The following ARMC3 variants were observed in gnomAD, a reference collection of about 807,000 sequenced individuals.
ARMC3 encodes armadillo repeat containing 3.
ARMC3 carries 74 observed loss-of-function variants against 90.3 expected under a neutral mutation model. That is an observed-to-expected ratio of 0.82 (90% CI 0.68 to 0.99). ARMC3 has a LOEUF of 0.99. ARMC3 is among the 50% of genes least tolerant of loss of function. The pLI is 0.00. For missense variants in ARMC3, 958 were observed against 1,042.8 expected, an observed-to-expected ratio of 0.92 and a Z score of 1.12; for synonymous variants, 334 against 361.8, an observed-to-expected ratio of 0.92 and a Z score of 0.87.
intron 12 of ARMC3, 51 bp from the exon 13 acceptor site, chr10:23,003,195 G>C: frequency 6.5e-7 from 1 of 1,546,508 alleles, no homozygotes; most frequent in Non-Finnish European, 8.8e-7. Context: ...TGGAGACTCA[G>C]TATTGGATGG....
intron 16 of ARMC3, among the ~76,000 whole-genome samples, chr10:23,027,670 AG>A (rs1838766126): frequency 6.6e-6 from 1 of 152,148 alleles, no homozygotes; most frequent in Non-Finnish European, 1.5e-5. Context: ...CTGACTGTGT[AG>A]ATTTATGTTT....
At chr10:23,025,540 G>T (rs1838684765) in intron 16 of ARMC3, among the ~76,000 whole-genome samples, 1 of 151,998 alleles carries the variant, frequency 6.6e-6, no homozygotes, top group Non-Finnish European at 1.5e-5. Context: ...AAGAACGTAG[G>T]ACTGAAAGAA....
At chr10:22,993,464 A>G (rs369290997) in intron 10 of ARMC3, among the ~76,000 whole-genome samples, 1 of 152,230 alleles carries the variant, frequency 6.6e-6, no homozygotes, top group African/African-American at 2.4e-5. Context: ...AAAACTGGAA[A>G]TCGCAGTGTT....
At chr10:22,939,341 G>A (rs1380100566) in intron 2 of ARMC3, among the ~76,000 whole-genome samples, 1 of 152,126 alleles carries the variant, frequency 6.6e-6, no homozygotes, top group African/African-American at 2.4e-5. Context: ...GTATGGGGTG[G>A]AACTCCACCT....
chr10:23,002,950 T>A (rs1837379887), intron 12 of ARMC3, among the ~76,000 whole-genome samples: 1 of 152,208 alleles, frequency 6.6e-6, no homozygotes, highest in Non-Finnish European at 1.5e-5. Context: ...TATTGTCTAG[T>A]TAGATGAAAA....
intron 4 of ARMC3, among the ~76,000 whole-genome samples, chr10:22,957,804 T>A (rs764070819): frequency 6.6e-6 from 1 of 152,174 alleles, no homozygotes; most frequent in Non-Finnish European, 1.5e-5. Context: ...AATGAATGTT[T>A]AACCAAAAAC....
At chr10:23,024,115 C>T (rs922743671) in intron 16 of ARMC3, among the ~76,000 whole-genome samples, 13 of 152,072 alleles carry the variant, frequency 8.5e-5, no homozygotes, top group Non-Finnish European at 1.2e-4. Flanking sequence ...AGGAAAACAT[C>T]GACTCAAGTG....
chr10:22,930,900 G>A (rs1453590389), intron 1 of ARMC3, among the ~76,000 whole-genome samples: 1 of 151,826 alleles, frequency 6.6e-6, no homozygotes, highest in African/African-American at 2.4e-5. Context: ...GATTTCCTGG[G>A]TTATTCTAAT....
chr10:22,981,486 A>C lies in ARMC3; in HGVS notation c.1063A>C (p.Asn355His). The C allele has an allele frequency of 6.2e-7, 1 of 1,613,828 alleles. No individual in the cohort carries two copies. The highest frequency in any genetic ancestry group is 1.1e-5 in the South Asian group (1 of 90,950). ...ENSGSKDFFN[N>H]QGIPQLIQLL... is the part of the protein sequence containing the mutation. The stretch of plus-strand genomic sequence containing the variant: ...TTCAGGCAGCAAAGATTTTTTCAAT[A>C]ATCAGGGTAAGTCAACTGGAAACAA... Residue 355 changes from asparagine (N) to histidine (H), a missense_variant, in exon 9 of 19, where the codon AAT becomes CAT. By Grantham distance (68) the Asn-to-His change is moderately conservative (BLOSUM62 1). Coordinates refer to ENST00000298032, the MANE Select transcript of ARMC3 (RefSeq NM_173081.5).
chr10:22,990,538 T>C (rs1836659597), intron 10 of ARMC3, among the ~76,000 whole-genome samples: 1 of 152,230 alleles, frequency 6.6e-6, no homozygotes, highest in African/African-American at 2.4e-5. Context: ...GGCCAGGTAT[T>C]AAGCTAAGTC....
chr10:22,981,223 C>A, intron 8 of ARMC3, 117 bp from the exon 9 acceptor site: 1 of 907,272 alleles, frequency 1.1e-6, no homozygotes, highest in Non-Finnish European at 1.6e-6. Flanking sequence ...AGTTTAGACT[C>A]TGGTACTAAA....
At position 23,038,014 on chromosome 10, in the gene ARMC3, T is replaced by A. The variant is rs1463731914; in HGVS notation, c.*535T>A. ...AAATTTTTGTTTCTATTTTTAAAAA[T>A]TCATCATTAAAAACACTTTAATATA... On this transcript the variant is annotated 3_prime_UTR_variant, in exon 19 of 19. Coordinates refer to ENST00000298032, the MANE Select transcript of ARMC3 (RefSeq NM_173081.5). 1 of 152,224 alleles carries A rather than the reference T, an allele frequency of 6.6e-6. No individual in the cohort carries two copies. The highest frequency in any genetic ancestry group is 6.5e-5 in the Admixed American group (1 of 15,282). The allele number at this position is 152,224 out of a possible 1,614,324, so 9.4% of individuals were successfully genotyped here.
chr10:22,991,335 G>C (rs1836699888), intron 10 of ARMC3, among the ~76,000 whole-genome samples: 2 of 152,138 alleles, frequency 1.3e-5, no homozygotes, highest in African/African-American at 2.4e-5. Context: ...AGGGAGTCTG[G>C]AATCCAGCTT....
chr10:23,028,462 G>T (rs1186854786), intron 16 of ARMC3, among the ~76,000 whole-genome samples: 2 of 152,106 alleles, frequency 1.3e-5, no homozygotes, highest in African/African-American at 4.8e-5. Flanking sequence ...TCTATTGATT[G>T]TCTTATCCTA....
At chr10:23,017,217 G>T (rs73600596) in intron 16 of ARMC3, among the ~76,000 whole-genome samples, 3,559 of 152,046 alleles carry the variant, frequency 0.023, 139 homozygotes, top group African/African-American at 0.082. Flanking sequence ...CTTAGCTGCA[G>T]CAAATATAAT....
intron 16 of ARMC3, among the ~76,000 whole-genome samples, chr10:23,013,107 C>T (rs564620844): frequency 6.6e-6 from 1 of 152,072 alleles, no homozygotes; most frequent in Non-Finnish European, 1.5e-5. Flanking sequence ...CCATGCTGGC[C>T]AGAGTGGTCT....
intron 16 of ARMC3, among the ~76,000 whole-genome samples, chr10:23,017,446 C>G (rs1838323654): frequency 1.3e-5 from 2 of 152,156 alleles, no homozygotes; most frequent in Non-Finnish European, 2.9e-5. Flanking sequence ...GCTAGTGTAA[C>G]AGATGCTCAA....
intron 10 of ARMC3, among the ~76,000 whole-genome samples, chr10:22,982,684 T>C (rs899928700): frequency 7.9e-5 from 12 of 152,228 alleles, no homozygotes; most frequent in African/African-American, 2.7e-4. Context: ...TAAGAATTTA[T>C]TGAAGGCAGC....
At chr10:22,972,757 C>T (rs1392111971) in intron 8 of ARMC3, among the ~76,000 whole-genome samples, 1 of 152,106 alleles carries the variant, frequency 6.6e-6, no homozygotes, top group Non-Finnish European at 1.5e-5. Context: ...TTTATTATAC[C>T]CTCCTTGAAA....
Sources: gnomAD v4.1 joint callset for allele counts (sites outside exome capture counted in the v4.1 genomes callset) on GRCh38, gnomAD v4.1.1 for gene constraint, MANE v1.5 for transcripts, NCBI Gene and HGNC (gene_info 2026-07-23, HGNC 2026-07-21) for gene names.